TANC1: variants seen among roughly 807,000 people sequenced by gnomAD.
TANC1 encodes tetratricopeptide repeat, ankyrin repeat and coiled-coil containing 1, also known as protein TANC1.
TANC1 carries 77 observed loss-of-function variants against 149.7 expected under a neutral mutation model. The ratio of observed to expected loss-of-function variants is 0.51; its 90% CI spans 0.43 to 0.62. TANC1 has a LOEUF of 0.62. Among genes scored for constraint, TANC1 ranks in the 20% least tolerant of loss-of-function variants. The pLI, the probability that TANC1 is intolerant of heterozygous loss-of-function variation, is 0.00. For missense variants in TANC1, 1,985 were observed against 2,321.8 expected (o/e 0.85, Z 2.98); for synonymous variants, 854 against 925.0 (o/e 0.92, Z 1.39).
chr2:159,042,665 G>C (rs75847108), intron 2 of TANC1, among the ~76,000 whole-genome samples: 1 of 151,894 alleles, frequency 6.6e-6, no homozygotes, highest in Non-Finnish European at 1.5e-5. Context: ...GCAAGATTCC[G>C]TGGGGGGTGG....
At chr2:158,998,119 C>T (rs1028911575) in intron 1 of TANC1, among the ~76,000 whole-genome samples, 4 of 152,010 alleles carry the variant, frequency 2.6e-5, no homozygotes, top group African/African-American at 9.7e-5. Flanking sequence ...TAAAACTTAG[C>T]TGGGTGTGGT....
At chr2:159,165,103 T>C (rs934087851) in intron 8 of TANC1, among the ~76,000 whole-genome samples, 6 of 152,246 alleles carry the variant, frequency 3.9e-5, no homozygotes, top group South Asian at 2.1e-4. Flanking sequence ...TGTGCTCAAT[T>C]TAGTCAAGCT....
intron 4 of TANC1, among the ~76,000 whole-genome samples, chr2:159,117,945 GTTTTT>G (rs2048455454): frequency 2.9e-5 from 1 of 34,512 alleles, no homozygotes. Context: ...CTGTACTGGA[GTTTTT>G]CTCTACTGGA....
rs985520991 is a variant in TANC1 at position 159,232,634 on chromosome 2, A to T, written c.*1622A>T. On this transcript the variant is annotated 3_prime_UTR_variant, in exon 27 of 27. Transcript: ENST00000263635. ...TTCTGCACAACTACTGTACTTTTCC[A>T]TATGGAATAAAGACTATTAATAGAA... 1 of 152,616 alleles carries T rather than the reference A, an allele frequency of 6.6e-6. No individual in the cohort carries two copies. The highest frequency in any genetic ancestry group is 2.1e-4 in the South Asian group (1 of 4,830). The allele number at this position is 152,616 out of a possible 1,614,324, so 9.5% of individuals were successfully genotyped here.
chr2:159,229,277 T>C (rs2042497), intron 26 of TANC1, among the ~76,000 whole-genome samples: 124,018 of 151,964 alleles, frequency 0.82, 51,329 homozygotes, highest in Non-Finnish European at 0.89. Context: ...AGTGTTACCA[T>C]GGGATGGTAA....
At chr2:159,089,331 T>C (rs1327659442) in intron 3 of TANC1, among the ~76,000 whole-genome samples, 1 of 152,200 alleles carries the variant, frequency 6.6e-6, no homozygotes, top group East Asian at 1.9e-4. Context: ...TACTAGGGTA[T>C]TGGGAGAGGC....
At chr2:159,087,486 GTTGT>G (rs2045036723) in intron 3 of TANC1, among the ~76,000 whole-genome samples, 1 of 128,854 alleles carries the variant, frequency 7.8e-6, no homozygotes, top group East Asian at 2.2e-4. Context: ...TTTTTTTGTC[GTTGT>G]TTGTTGTTTG....
intron 3 of TANC1, among the ~76,000 whole-genome samples, chr2:159,097,355 T>C (rs1158962157): frequency 6.6e-6 from 1 of 152,214 alleles, no homozygotes; most frequent in African/African-American, 2.4e-5. Context: ...GACCTTGATC[T>C]AATCCCAGAT....
chr2:159,065,614 A>T (rs1405134715), intron 2 of TANC1, among the ~76,000 whole-genome samples: 2 of 149,724 alleles, frequency 1.3e-5, no homozygotes, highest in African/African-American at 2.5e-5. Flanking sequence ...CCTTAATTAG[A>T]TGTGGAATGC....
chr2:159,113,770 G>A (rs563060326), intron 4 of TANC1, among the ~76,000 whole-genome samples: 2 of 152,318 alleles, frequency 1.3e-5, no homozygotes, highest in East Asian at 1.9e-4. Flanking sequence ...GCAGAGGCTG[G>A]AGTATAACTT....
At position 159,228,815 on chromosome 2, in the gene TANC1, A is replaced by C; in HGVS notation, c.4070A>C (p.Glu1357Ala). 6.2e-7 allele frequency: 1 copy of C among 1,614,074 alleles called. No individual in the cohort carries two copies. The highest frequency in any genetic ancestry group is 2.2e-5 in the East Asian group (1 of 44,882). The change falls in exon 26 of 27, where the codon GAA (glutamate) becomes GCA (alanine). Residue 1357 changes from glutamate to alanine, a missense_variant. Physicochemically the swap from Glu to Ala is moderately radical, Grantham distance 107 (BLOSUM62 -1). This residue lies in a region of TANC1 where 920 missense variants were observed against 994.7 expected (regional missense o/e 0.92). Transcript: ENST00000263635. ...CACCAGGACTTTGGCATGGCAGAGG[A>C]ATTTGCTTCCAAGGCTCTCGAATTG... ...RKTNDFGMAE[E>A]FASKALELKP...
chr2:159,050,840 T>C (rs1438392820), intron 2 of TANC1, among the ~76,000 whole-genome samples: 1 of 152,192 alleles, frequency 6.6e-6, no homozygotes, highest in African/African-American at 2.4e-5. Flanking sequence ...TGATGTCAAT[T>C]GGAGATGAAT....
At chr2:159,098,974 G>C (rs1244064526) in intron 4 of TANC1, among the ~76,000 whole-genome samples, 1 of 151,984 alleles carries the variant, frequency 6.6e-6, no homozygotes, top group Non-Finnish European at 1.5e-5. Flanking sequence ...GCTGTGAAAT[G>C]GTATCTGTTT....
At chr2:159,030,697 G>A (rs1253444464) in intron 2 of TANC1, among the ~76,000 whole-genome samples, 1 of 152,174 alleles carries the variant, frequency 6.6e-6, no homozygotes, top group Non-Finnish European at 1.5e-5. Flanking sequence ...GAGAGATCCT[G>A]TTTTCTCAGT....
At chr2:159,195,525 G>A (rs2057778389) in intron 17 of TANC1, among the ~76,000 whole-genome samples, 1 of 152,158 alleles carries the variant, frequency 6.6e-6, no homozygotes, top group African/African-American at 2.4e-5. Flanking sequence ...TTGAATAACA[G>A]TAGAGATAAA....
At chr2:159,080,978 C>A (rs1192282458) in intron 3 of TANC1, among the ~76,000 whole-genome samples, 1 of 152,202 alleles carries the variant, frequency 6.6e-6, no homozygotes, top group Admixed American at 6.5e-5. Flanking sequence ...TTCACAGGCT[C>A]ACTCCACCTC....
intron 2 of TANC1, among the ~76,000 whole-genome samples, chr2:159,004,487 G>C (rs1271402370): frequency 6.6e-6 from 1 of 150,928 alleles, no homozygotes; most frequent in Admixed American, 6.6e-5. Flanking sequence ...ATTTGATTTT[G>C]CATTTTGCAC....
At chr2:159,104,280 A>G (rs1240299363) in intron 4 of TANC1, among the ~76,000 whole-genome samples, 1 of 95,386 alleles carries the variant, frequency 1.0e-5, no homozygotes, top group Non-Finnish European at 2.9e-5. Flanking sequence ...CTCCACTTCA[A>G]GTCCATTTAT....
intron 2 of TANC1, among the ~76,000 whole-genome samples, chr2:159,056,457 G>A (rs961469834): frequency 1.3e-5 from 2 of 151,968 alleles, no homozygotes; most frequent in South Asian, 2.1e-4. Context: ...GACTACAGGC[G>A]CCCGCCACCA....
Sources: gnomAD v4.1 joint callset for allele counts (sites outside exome capture counted in the v4.1 genomes callset) on GRCh38, gnomAD v4.1.1 for gene constraint, gnomAD v4.1.1 regional missense constraint, MANE v1.5 for transcripts, NCBI Gene and HGNC (gene_info 2026-07-23, HGNC 2026-07-21) for gene names.